Variants in TMED8 observed in about 807,000 individuals in gnomAD.
TMED8 encodes the protein protein TMED8.
TMED8 carries 15 observed loss-of-function variants against 32.7 expected under a neutral mutation model. The ratio of observed to expected loss-of-function variants is 0.46; its 90% CI spans 0.31 to 0.71. The LOEUF (loss-of-function observed/expected upper bound fraction) is 0.71. Among genes scored for constraint, TMED8 ranks in the 30% least tolerant of loss-of-function variants. TMED8 has a pLI of 0.06. For synonymous variants in TMED8, 147 were observed against 161.4 expected (o/e 0.91, Z 0.68); for missense variants, 390 against 423.9 (o/e 0.92, Z 0.70).
At chr14:77,351,984 C>T (rs1175625813) in intron 1 of TMED8, among the ~76,000 whole-genome samples, 1 of 152,118 alleles carries the variant, frequency 6.6e-6, no homozygotes, top group African/African-American at 2.4e-5. Flanking sequence ...AAACAAGGCT[C>T]CAAAAATTAA....
At chr14:77,346,620 A>C in intron 2 of TMED8, 142 bp from the exon 3 acceptor site, 1 of 1,057,276 alleles carries the variant, frequency 9.5e-7, no homozygotes, top group Non-Finnish European at 1.4e-6. Flanking sequence ...CTGTCACCTT[A>C]GCCGACCACT....
intron 1 of TMED8, among the ~76,000 whole-genome samples, chr14:77,353,511 T>C (rs1390394823): frequency 2.0e-5 from 3 of 150,868 alleles, no homozygotes; most frequent in African/African-American, 7.3e-5. Context: ...GACACAATTA[T>C]GACTCTCGGC....
intron 1 of TMED8, among the ~76,000 whole-genome samples, chr14:77,357,529 C>T (rs997946568): frequency 2.0e-5 from 3 of 152,204 alleles, no homozygotes; most frequent in Admixed American, 2.0e-4. Flanking sequence ...AAGAGAAAAG[C>T]AGGATAAAGA....
At position 77,337,927 on chromosome 14, in the gene TMED8, C is replaced by T. The variant is rs918332415; in HGVS notation, c.*3844G>A. The T allele has an allele frequency of 2.0e-5, 3 of 152,002 alleles. No individual in the cohort carries two copies. Among genetic ancestry groups the T allele is most frequent in the African/African-American group, 7.3e-5 (3 of 41,358 alleles). The allele number at this position is 152,002 out of a possible 1,614,324, so 9.4% of individuals were successfully genotyped here. ...TGTGTATACATATATATACAGCAAA[C>T]CAAAAATAAATTCTAAATCCCCCAA... On this transcript the variant is annotated 3_prime_UTR_variant, in exon 6 of 6. Transcript: ENST00000216468.
At position 77,351,662 on chromosome 14, in the gene TMED8, A is replaced by G. The variant is rs376641249; in HGVS notation, c.197+11T>C. ...TAAAACCTGTGAAAGCATTCTATCC[A>G]AAGTGGTTACCTGTGGGGTGAGGAG... is the stretch of plus-strand genomic sequence containing the variant. On this transcript the variant is annotated intron_variant, in intron 2 of 5. Transcript: ENST00000216468. 1.2e-6 allele frequency: 2 copies of G among 1,609,772 alleles called. No individual in the cohort carries two copies. Among genetic ancestry groups the G allele is most frequent in the Non-Finnish European group, 1.7e-6 (2 of 1,177,710 alleles).
chr14:77,341,784 T>G lies in TMED8; in HGVS notation c.965A>C (p.Tyr322Ser), dbSNP rs766071868. 6.2e-7 allele frequency: 1 copy of G among 1,613,990 alleles called. No homozygotes were observed. Residue 322 changes from tyrosine to serine, a missense_variant, in exon 6 of 6, where the codon TAC becomes TCC. Physicochemically the swap from Tyr to Ser is moderately radical, Grantham distance 144. Coordinates refer to ENST00000216468, the MANE Select transcript of TMED8 (RefSeq NM_213601.3). ...CCCAGCAGTCCTTCAGCTGGTGTAG[T>G]AGATGTGGAAGTAGAGAGTCTTGTT... Reference protein sequence around the residue: ...LRNKTLYFHIYYTS With the variant: ...LRNKTLYFHISYTS
chr14:77,348,812 C>T (rs1422805131), intron 2 of TMED8, among the ~76,000 whole-genome samples: 3 of 152,194 alleles, frequency 2.0e-5, no homozygotes, highest in South Asian at 4.1e-4. Context: ...TCCAAAATTA[C>T]TCCAACCTAC....
At chr14:77,365,319 A>G (rs1468146775) in intron 1 of TMED8, among the ~76,000 whole-genome samples, 3 of 152,234 alleles carry the variant, frequency 2.0e-5, no homozygotes, top group African/African-American at 7.2e-5. Flanking sequence ...AACTCAGCCT[A>G]GTGAGGAAGA....
chr14:77,350,413 C>A (rs924902605), intron 2 of TMED8, among the ~76,000 whole-genome samples: 3 of 152,128 alleles, frequency 2.0e-5, no homozygotes, highest in Non-Finnish European at 4.4e-5. Context: ...AGGCTCCCAA[C>A]AAACATCTGT....
chr14:77,370,171 CAAAAAAAAAAA>C (rs5809828), intron 1 of TMED8, among the ~76,000 whole-genome samples: 34 of 137,916 alleles, frequency 2.5e-4, no homozygotes, highest in East Asian at 8.7e-4. Flanking sequence ...GACTCCGTTT[CAAAAAAAAAAA>C]AAAAAAAAAA....
intron 1 of TMED8, among the ~76,000 whole-genome samples, chr14:77,367,579 G>C (rs188370417): frequency 6.0e-4 from 92 of 152,238 alleles, no homozygotes; most frequent in Admixed American, 1.2e-3. Context: ...AAATGAAAAA[G>C]AATGTTTTCT....
Position 77,360,389 on chromosome 14 carries a change from T to A in TMED8, c.119-8638A>T, listed in dbSNP as rs1215574023. ...ACCTCTAGTAACCACTATTTTATCC[T>A]GTTTCTGTGTACTTGACTTTTTTTT... On this transcript the variant is annotated intron_variant, in intron 1 of 5. Transcript: ENST00000216468. Among the ~76,000 whole-genome samples, 3 of 152,098 alleles carry A rather than the reference T, an allele frequency of 2.0e-5. No individual in the cohort carries two copies. In the East Asian group the frequency reaches 5.8e-4, roughly 29 times the overall value.
intron 1 of TMED8, among the ~76,000 whole-genome samples, chr14:77,369,354 T>A (rs566453712): frequency 2.0e-5 from 3 of 152,254 alleles, no homozygotes; most frequent in Non-Finnish European, 4.4e-5. Context: ...TATTTCTATA[T>A]GTATTTTAGA....
chr14:77,346,760 GTTTTTTTTTTT>G, intron 2 of TMED8, among the ~76,000 whole-genome samples: 3,490 of 69,614 alleles, frequency 0.05, 200 homozygotes, highest in African/African-American at 0.17. Flanking sequence ...TGCTGGTCTG[GTTTTTTTTTTT>G]TTTTTTTTTT....
chr14:77,346,760 G>GTTTTTTTTTTTTTTTTTTTTTTTTTTTTT, intron 2 of TMED8, among the ~76,000 whole-genome samples: 3 of 69,440 alleles, frequency 4.3e-5, no homozygotes, highest in African/African-American at 1.1e-4. Context: ...TGCTGGTCTG[G>GTTTTTTTTTTTTTTTTTTTTTTTTTTTTT]TTTTTTTTTT....
Position 77,340,023 on chromosome 14 carries a change from C to T in TMED8, c.*1748G>A, listed in dbSNP as rs1336938632. The T allele has an allele frequency of 2.0e-5, 3 of 152,120 alleles. No homozygotes were observed. Among genetic ancestry groups the T allele is most frequent in the African/African-American group, 7.2e-5 (3 of 41,406 alleles). 9.4% of individuals were successfully genotyped at this position (152,120 alleles called of 1,614,324 possible). On this transcript the variant is annotated 3_prime_UTR_variant, in exon 6 of 6. Coordinates refer to ENST00000216468, the MANE Select transcript of TMED8 (RefSeq NM_213601.3). ...AAACATCACAAAGAAGGTGACACCT[C>T]AGAGGAGACAAAGGACTCTGAAATC...
At chr14:77,358,157 A>G (rs968192767) in intron 1 of TMED8, among the ~76,000 whole-genome samples, 1 of 143,672 alleles carries the variant, frequency 7.0e-6, no homozygotes, top group African/African-American at 2.6e-5. Flanking sequence ...AATTGTATTT[A>G]AAGACCACAA....
Position 77,376,995 on chromosome 14 carries a change from C to G in TMED8, c.59G>C (p.Gly20Ala). 1 of 1,440,078 alleles carries G rather than the reference C, an allele frequency of 6.9e-7. No homozygotes were observed. The highest frequency in any genetic ancestry group is 9.0e-7 in the Non-Finnish European group (1 of 1,105,342). 89.2% of individuals were successfully genotyped at this position (1,440,078 alleles called of 1,614,324 possible). A position where few individuals can be genotyped will look rare whatever the true frequency, so the allele number is the denominator to read the frequency against. The change falls in exon 1 of 6, where the codon GGG becomes GCG. Residue 20 changes from glycine to alanine, a missense_variant. Gly to Ala is a moderately conservative substitution (Grantham distance 60). Coordinates refer to ENST00000216468, the MANE Select transcript of TMED8 (RefSeq NM_213601.3). The surrounding 1 kb of genome is among the most constrained non-coding windows in gnomAD (Gnocchi z 4.0). ...GCAGTCCCCGACGCCGCCAGCCGACCCTGGGCGGGCTGTGGGGCTCCAGGA... is the reference window on the plus strand; with the variant it reads ...GCAGTCCCCGACGCCGCCAGCCGACGCTGGGCGGGCTGTGGGGCTCCAGGA... ...PGSWSPTARP[G>A]SAGGVGDCQG...
rs771385293 is a variant in TMED8, at chr14:77,346,410, T to C, written c.266A>G (p.Glu89Gly). The C allele has an allele frequency of 1.9e-6, 3 of 1,614,146 alleles. No homozygotes were observed. In the South Asian group the frequency reaches 3.3e-5, roughly 18 times the overall value. The change falls in exon 3 of 6, where the codon GAG becomes GGG. Residue 89 changes from glutamate (E) to glycine (G), a missense_variant. By Grantham distance (98) the Glu-to-Gly change is moderately conservative (BLOSUM62 -2). Transcript: ENST00000216468. ...ATCCTGTTTCACCAAGGCCTGAGCC[T>C]CCAAAGGACCAGTTGCTTTCCGCAG... is the stretch of plus-strand genomic sequence containing the variant. ...EDLRKATGPL[E>G]AQALVKQDLL...
Sources: allele counts gnomAD v4.1 joint callset (sites outside exome capture counted in the v4.1 genomes callset), GRCh38; gene constraint gnomAD v4.1.1; non-coding constraint Gnocchi (gnomAD v3.1); transcripts MANE v1.5; gene names NCBI Gene and HGNC (gene_info 2026-07-23, HGNC 2026-07-21).